Variants in SCN10A observed in about 807,000 individuals in gnomAD.
The protein encoded by SCN10A is sodium channel protein type 10 subunit alpha.
Under a neutral mutation model 170.7 loss-of-function variants are expected in SCN10A, and 162 were observed. The ratio of observed to expected loss-of-function variants is 0.95; its 90% CI spans 0.84 to 1.08. The LOEUF is 1.08. Ranked by LOEUF, SCN10A falls within the 50% of genes least tolerant of loss-of-function variation. The pLI, the probability that SCN10A is intolerant of heterozygous loss-of-function variation, is 0.00. For synonymous variants in SCN10A, 985 were observed against 904.6 expected (o/e 1.09, Z -1.59); for missense variants, 2,527 against 2,436.9 (o/e 1.04, Z -0.78).
At chr3:38,705,841 G>T (rs776405690) in intron 26 of SCN10A, among the ~76,000 whole-genome samples, 1 of 152,188 alleles carries the variant, frequency 6.6e-6, no homozygotes, top group Non-Finnish European at 1.5e-5. Flanking sequence ...TGTGGACTCA[G>T]CTGCTTGCTT....
At chr3:38,776,217 G>A (rs550829115) in intron 4 of SCN10A, among the ~76,000 whole-genome samples, 4 of 152,180 alleles carry the variant, frequency 2.6e-5, no homozygotes, top group Admixed American at 2.6e-4. Context: ...GGTTTTGGGA[G>A]ATTATCCACA....
intron 1 of SCN10A, among the ~76,000 whole-genome samples, chr3:38,815,258 A>G (rs1239992570): frequency 6.6e-6 from 1 of 151,028 alleles, no homozygotes; most frequent in African/African-American, 2.4e-5. Flanking sequence ...TGAAGGCTGA[A>G]TAATACCCTT....
chr3:38,761,761 C>T (rs1315816065), intron 6 of SCN10A, among the ~76,000 whole-genome samples: 1 of 151,530 alleles, frequency 6.6e-6, no homozygotes, highest in Non-Finnish European at 1.5e-5. Context: ...TGTCTTTCTG[C>T]ATGCATCTGG....
intron 27 of SCN10A, among the ~76,000 whole-genome samples, chr3:38,701,533 G>A (rs1339957556): frequency 6.6e-6 from 1 of 152,154 alleles, no homozygotes; most frequent in Non-Finnish European, 1.5e-5. Flanking sequence ...TACGGTCTGA[G>A]GTTCTCAGGA....
At chr3:38,751,092 G>C (rs771101017) in intron 12 of SCN10A, among the ~76,000 whole-genome samples, 2 of 152,160 alleles carry the variant, frequency 1.3e-5, no homozygotes, top group African/African-American at 2.4e-5. Context: ...GACATAGGCA[G>C]GACATTCAAG....
intron 26 of SCN10A, among the ~76,000 whole-genome samples, chr3:38,705,244 T>C (rs894648008): frequency 2.0e-5 from 3 of 152,032 alleles, no homozygotes; most frequent in African/African-American, 7.2e-5. Context: ...AAAGAGTGTT[T>C]ACCTTGCTTG....
chr3:38,809,239 C>T (rs2064424485), intron 1 of SCN10A, among the ~76,000 whole-genome samples: 1 of 152,178 alleles, frequency 6.6e-6, no homozygotes, highest in African/African-American at 2.4e-5. Flanking sequence ...TGTTTAGTTG[C>T]TTTCTGAATG....
intron 22 of SCN10A, 39 bp from the exon 23 acceptor site, chr3:38,712,484 C>T (rs2063286473): frequency 3.8e-6 from 6 of 1,595,706 alleles, no homozygotes; most frequent in Non-Finnish European, 5.1e-6. Context: ...CCTCCCAATG[C>T]CCCACCCCCT....
At position 38,728,774 on chromosome 3, in the gene SCN10A, A is replaced by C; in HGVS notation, c.2408T>G (p.Leu803Arg). The C allele has an allele frequency of 6.2e-7, 1 of 1,614,194 alleles. No individual in the cohort carries two copies. The highest frequency in any genetic ancestry group is 8.5e-7 in the Non-Finnish European group (1 of 1,180,042). ...ILAIIVFVFA[L>R]VGKQLLGENY... ...TTCCCCTAGGAGCTGCTTGCCAACC[A>C]GAGCAAAGACAAAGACAATGATGGC... The change falls in exon 16 of 28, where the codon CTG becomes CGG. Residue 803 changes from leucine to arginine, a missense_variant. Leu to Arg is a moderately radical substitution (Grantham distance 102). Transcript: ENST00000449082.
At chr3:38,773,070 A>G (rs756646387) in intron 4 of SCN10A, among the ~76,000 whole-genome samples, 6 of 152,220 alleles carry the variant, frequency 3.9e-5, no homozygotes, top group Non-Finnish European at 5.9e-5. Context: ...CAAAATTAAG[A>G]GGGAAATAAT....
In SCN10A at chr3:38,709,703, G is replaced by T; in HGVS notation, c.4144-88C>A. 5.7e-6 allele frequency: 7 copies of T among 1,235,004 alleles called. No homozygotes were observed. The South Asian group carries it at 1.4e-4, about 25-fold the overall frequency. 76.5% of individuals were successfully genotyped at this position (1,235,004 alleles called of 1,614,324 possible). A position where few individuals can be genotyped will look rare whatever the true frequency, so the allele number is the denominator to read the frequency against. ...AGCCAAGCCTAAGACATGGACCTGG[G>T]TGCAGGTGATTTATCTGGGAGGTGA... is the stretch of plus-strand genomic sequence containing the variant. On this transcript the variant is annotated intron_variant, in intron 24 of 27. Coordinates refer to ENST00000449082, the MANE Select transcript of SCN10A (RefSeq NM_006514.4).
At chr3:38,804,503 C>T (rs771307798) in intron 1 of SCN10A, among the ~76,000 whole-genome samples, 1 of 152,108 alleles carries the variant, frequency 6.6e-6, no homozygotes, top group African/African-American at 2.4e-5. Flanking sequence ...GAACCCCAAA[C>T]ACTGAGAATA....
intron 24 of SCN10A, among the ~76,000 whole-genome samples, 180 bp downstream of exon 24, chr3:38,710,664 C>T (rs971280651): frequency 6.0e-5 from 9 of 151,042 alleles, no homozygotes; most frequent in African/African-American, 1.5e-4. Context: ...GGGAAAGCCT[C>T]GGTGGCTGAA....
chr3:38,740,091 C>A (rs1309558874), intron 14 of SCN10A, among the ~76,000 whole-genome samples: 7 of 152,176 alleles, frequency 4.6e-5, no homozygotes, highest in Non-Finnish European at 8.8e-5. Context: ...TAAGCTTGGA[C>A]AAATAATGCA....
At chr3:38,703,359 C>T (rs2063176680) in intron 26 of SCN10A, among the ~76,000 whole-genome samples, 1 of 152,206 alleles carries the variant, frequency 6.6e-6, no homozygotes, top group South Asian at 2.1e-4. Context: ...TTTCTCCTAA[C>T]TTAAAGCAGA....
chr3:38,761,063 C>A lies in SCN10A; in HGVS notation c.883+129G>T, dbSNP rs150342209. 1.7e-4 allele frequency: 123 copies of A among 741,756 alleles called. No homozygotes were observed. In the African/African-American group the frequency reaches 1.9e-3, roughly 11 times the overall value. The allele number at this position is 741,756 out of a possible 1,614,324, so 45.9% of individuals were successfully genotyped here. ...AAAAGTAAAACACAACTCAAGAGAA[C>A]CATTTTGGCAGGAAAGGGGAGTCAA... is the stretch of plus-strand genomic sequence containing the variant. On this transcript the variant is annotated intron_variant, in intron 7 of 27. Transcript: ENST00000449082.
At chr3:38,806,851 C>G (rs1349215811) in intron 1 of SCN10A, among the ~76,000 whole-genome samples, 4 of 152,042 alleles carry the variant, frequency 2.6e-5, no homozygotes, top group Non-Finnish European at 4.4e-5. Context: ...TTACAATGTT[C>G]CACTTTATTT....
Position 38,816,144 on chromosome 3 carries a change from C to T in SCN10A, c.-140G>A, listed in dbSNP as rs1432711275. On this transcript the variant is annotated 5_prime_UTR_variant, in exon 1 of 28. An upstream start codon of the reference 5' UTR is lost. Transcript: ENST00000449082. ...CTCCTGGAACATACGTTCAGCTTAA[C>T]ATTCAGGCATAGCCAGAAGAAACTC... 1 of 152,332 alleles carries T rather than the reference C, an allele frequency of 6.6e-6. No homozygotes were observed. The highest frequency in any genetic ancestry group is 1.5e-5 in the Non-Finnish European group (1 of 68,018). 9.4% of individuals were successfully genotyped at this position (152,332 alleles called of 1,614,324 possible).
intron 25 of SCN10A, 78 bp from the exon 26 acceptor site, chr3:38,707,461 A>C (rs1443524374): frequency 5.5e-6 from 8 of 1,446,538 alleles, no homozygotes; most frequent in Non-Finnish European, 7.7e-6. Flanking sequence ...CAGGAGAGAA[A>C]GGATCATATC....
Sources: gnomAD v4.1 joint callset for allele counts (sites outside exome capture counted in the v4.1 genomes callset) on GRCh38, gnomAD v4.1.1 for gene constraint, MANE v1.5 for transcripts, NCBI Gene and HGNC (gene_info 2026-07-23, HGNC 2026-07-21) for gene names.